The following NDUFA10 variants were observed in gnomAD, a reference collection of about 807,000 sequenced individuals.
The protein encoded by NDUFA10 is NADH dehydrogenase [ubiquinone] 1 alpha subcomplex subunit 10, mitochondrial.
In NDUFA10, 40 loss-of-function variants were observed where a neutral mutation model predicts 47.8. The ratio of observed to expected loss-of-function variants is 0.84; its 90% CI spans 0.65 to 1.09. NDUFA10 has a LOEUF of 1.09. Among genes scored for constraint, NDUFA10 ranks in the 50% least tolerant of loss-of-function variants. The pLI, the probability that NDUFA10 is intolerant of heterozygous loss-of-function variation, is 0.00. For missense variants in NDUFA10, 413 were observed against 451.1 expected (o/e 0.92, Z 0.76); for synonymous variants, 183 against 172.2 (o/e 1.06, Z -0.49).
At chr2:240,004,439 G>A (rs147149603) in intron 8 of NDUFA10, among the ~76,000 whole-genome samples, 15 of 151,126 alleles carry the variant, frequency 9.9e-5, no homozygotes, top group Non-Finnish European at 7.4e-5. Flanking sequence ...ACCCCCAAAC[G>A]GCATCTCATC....
chr2:239,918,841 G>C (rs1693920596), intron 4 of NDUFA10, among the ~76,000 whole-genome samples: 1 of 152,224 alleles, frequency 6.6e-6, no homozygotes, highest in South Asian at 2.1e-4. Flanking sequence ...AGCCAGTTCA[G>C]GAAGGGGTGG....
chr2:239,998,575 G>A (rs939886531), intron 8 of NDUFA10, among the ~76,000 whole-genome samples: 4 of 152,142 alleles, frequency 2.6e-5, no homozygotes, highest in African/African-American at 4.8e-5. Flanking sequence ...CCATGCTAAT[G>A]AGGCTGGGCA....
At chr2:239,978,181 C>T (rs912652427) in intron 9 of NDUFA10, among the ~76,000 whole-genome samples, 1 of 152,184 alleles carries the variant, frequency 6.6e-6, no homozygotes, top group Non-Finnish European at 1.5e-5. Context: ...CATCTTTTCC[C>T]TCTTTCCACA....
At chr2:240,023,848 C>T (rs917092677) in intron 1 of NDUFA10, among the ~76,000 whole-genome samples, 1 of 152,200 alleles carries the variant, frequency 6.6e-6, no homozygotes, top group African/African-American at 2.4e-5. Context: ...AAACACCTCT[C>T]GCAAATGAAA....
chr2:239,964,449 G>C (rs1256225196), intron 9 of NDUFA10, among the ~76,000 whole-genome samples: 1 of 152,192 alleles, frequency 6.6e-6, no homozygotes, highest in Non-Finnish European at 1.5e-5. Flanking sequence ...CAGAACTTTA[G>C]GAGGATGCAT....
rs1043657033 is a variant in NDUFA10, at chr2:239,959,384, A to C, written c.*1734T>G. ...AACAGCTAGCTCTTTGCAGCCAAAG[A>C]CATTAGGAACAGCTAAGATAATTAA... On this transcript the variant is annotated 3_prime_UTR_variant, in exon 10 of 10. Transcript: ENST00000252711. 2.0e-6 allele frequency: 2 copies of C among 985,396 alleles called. No homozygotes were observed. The highest frequency in any genetic ancestry group is 3.5e-5 in the African/African-American group (2 of 57,262). 61.0% of individuals were successfully genotyped at this position (985,396 alleles called of 1,614,324 possible). A position where few individuals can be genotyped will look rare whatever the true frequency, so the allele number is the denominator to read the frequency against.
intron 4 of NDUFA10, among the ~76,000 whole-genome samples, chr2:239,897,720 C>A (rs1455204946): frequency 6.6e-6 from 1 of 152,170 alleles, no homozygotes; most frequent in Non-Finnish European, 1.5e-5. Flanking sequence ...CTGCCTGTCC[C>A]CAGGCCTAAA....
At chr2:239,955,783 ACGGC>A (rs1381859123), downstream of NDUFA10, among the ~76,000 whole-genome samples, 1 of 152,140 alleles carries the variant, frequency 6.6e-6, no homozygotes, top group East Asian at 1.9e-4. Flanking sequence ...CTCCAAACCC[ACGGC>A]CAGGGGACAG....
At chr2:239,941,901 CATTTA>C (rs926718446) in intron 4 of NDUFA10, among the ~76,000 whole-genome samples, 3 of 152,114 alleles carry the variant, frequency 2.0e-5, no homozygotes, top group Non-Finnish European at 4.4e-5. Flanking sequence ...TTTTAAATTA[CATTTA>C]ATTTATTTTA....
chr2:240,010,603 A>C (rs1410830570), intron 6 of NDUFA10, among the ~76,000 whole-genome samples: 1 of 152,072 alleles, frequency 6.6e-6, no homozygotes, highest in African/African-American at 2.4e-5. Context: ...GTTAAAAGGA[A>C]GCCAGAGGCC....
Position 239,930,645 on chromosome 2 carries a change from A to T in NDUFA10, c.295-35331T>A, listed in dbSNP as rs541540608. On this transcript the variant is annotated intron_variant, in intron 4 of 5. Transcript: ENST00000419408. ...TGAGCACCAGGAAGGAAAGGTACAC[A>T]GGGCGGGGTTGTGGGAAACAGGGAG... Among the ~76,000 whole-genome samples, 461 of 152,234 alleles carry T rather than the reference A, an allele frequency of 3.0e-3. 2 individuals are homozygous for T. The highest frequency in any genetic ancestry group is 4.0e-3 in the Non-Finnish European group (272 of 68,020).
chr2:239,965,637 G>C (rs572623785), intron 9 of NDUFA10, among the ~76,000 whole-genome samples: 1 of 152,334 alleles, frequency 6.6e-6, no homozygotes, highest in African/African-American at 2.4e-5. Flanking sequence ...CAAAGGTTGA[G>C]ATGCAAAGGG....
chr2:239,939,130 C>T (rs928772059), intron 4 of NDUFA10, among the ~76,000 whole-genome samples: 3 of 152,196 alleles, frequency 2.0e-5, no homozygotes, highest in African/African-American at 4.8e-5. Flanking sequence ...TCCTCGGACC[C>T]GCGGACAGTC....
At chr2:239,900,190 T>C (rs568772425) in intron 4 of NDUFA10, among the ~76,000 whole-genome samples, 1 of 152,244 alleles carries the variant, frequency 6.6e-6, no homozygotes, top group East Asian at 1.9e-4. Context: ...GACTGAAGGC[T>C]GTACTGTTGG....
intron 4 of NDUFA10, among the ~76,000 whole-genome samples, chr2:239,934,979 C>G (rs1694240325): frequency 6.6e-6 from 1 of 152,350 alleles, no homozygotes; most frequent in East Asian, 1.9e-4. Context: ...CCCCACTTTG[C>G]CTTACCCACA....
At chr2:239,994,833 A>G (rs1696401416) in intron 8 of NDUFA10, among the ~76,000 whole-genome samples, 2 of 152,216 alleles carry the variant, frequency 1.3e-5, no homozygotes, top group Admixed American at 1.3e-4. Flanking sequence ...ACAGAGTTTT[A>G]AAAAACAAAG....
Position 239,945,844 on chromosome 2 carries a change from C to T in NDUFA10, c.294+44230G>A, listed in dbSNP as rs1279202545. Among the ~76,000 whole-genome samples, 9 of 100,600 alleles carry T rather than the reference C, an allele frequency of 8.9e-5. No homozygotes were observed. The highest frequency in any genetic ancestry group is 3.2e-4 in the African/African-American group (9 of 28,012). The allele number at this position is 100,600 out of a possible 152,430, so 66.0% of individuals were successfully genotyped here. On this transcript the variant is annotated intron_variant, in intron 4 of 5. Coordinates refer to the NDUFA10 transcript ENST00000419408. The surrounding 1 kb of genome is among the most constrained non-coding windows in gnomAD (Gnocchi z 4.6). ...GCCGTCCCCAGGCTTCAAGGGCCCACAGGGCTCCGGGACTGCAAGCCAGAA... is the reference window on the plus strand; with the variant it reads ...GCCGTCCCCAGGCTTCAAGGGCCCATAGGGCTCCGGGACTGCAAGCCAGAA...
chr2:239,989,025 G>A (rs1387086220), intron 9 of NDUFA10, among the ~76,000 whole-genome samples: 2 of 150,726 alleles, frequency 1.3e-5, no homozygotes, highest in Non-Finnish European at 2.9e-5. Flanking sequence ...ACAGATAAGG[G>A]AGAAACAGCA....
chr2:239,912,011 G>T (rs1693763894), intron 4 of NDUFA10, among the ~76,000 whole-genome samples: 1 of 152,176 alleles, frequency 6.6e-6, no homozygotes, highest in Non-Finnish European at 1.5e-5. Context: ...GGCACCAGCT[G>T]CATGTTGCCC....
Sources: gnomAD v4.1 joint callset for allele counts (sites outside exome capture counted in the v4.1 genomes callset) on GRCh38, gnomAD v4.1.1 for gene constraint, Gnocchi (gnomAD v3.1) non-coding constraint, MANE v1.5 for transcripts, NCBI Gene and HGNC (gene_info 2026-07-23, HGNC 2026-07-21) for gene names.